The following FNDC3A variants were observed in gnomAD, a reference collection of about 807,000 sequenced individuals.
FNDC3A encodes fibronectin type-III domain-containing protein 3A.
FNDC3A carries 32 observed loss-of-function variants against 148.9 expected under a neutral mutation model. The ratio of observed to expected loss-of-function variants is 0.21; its 90% confidence interval spans 0.16 to 0.29. The LOEUF is 0.29. Ranked by LOEUF, FNDC3A falls within the 10% of genes least tolerant of loss-of-function variation. The pLI, the probability that FNDC3A is intolerant of heterozygous loss-of-function variation, is 1.00. For synonymous variants in FNDC3A, 472 were observed against 473.6 expected (o/e 1.00, Z 0.04); for missense variants, 1,191 against 1,452.8 (o/e 0.82, Z 2.93).
At chr13:49,124,766 TA>T (rs1190343835) in intron 4 of FNDC3A, among the ~76,000 whole-genome samples, 1 of 152,164 alleles carries the variant, frequency 6.6e-6, no homozygotes, top group Non-Finnish European at 1.5e-5. Context: ...AACATAGAAC[TA>T]TAAAACTTAA....
chr13:48,982,702 CTG>C, intron 1 of FNDC3A, among the ~76,000 whole-genome samples: 1 of 152,162 alleles, frequency 6.6e-6, no homozygotes, highest in East Asian at 1.9e-4. Flanking sequence ...AGTCCATACT[CTG>C]TTGATATCCT....
intron 2 of FNDC3A, among the ~76,000 whole-genome samples, chr13:49,013,388 T>C (rs1952399830): frequency 6.6e-6 from 1 of 152,122 alleles, no homozygotes; most frequent in African/African-American, 2.4e-5. Context: ...ATTAATTTTA[T>C]TATTATACTT....
chr13:49,024,548 A>ATC (rs1390325571), intron 2 of FNDC3A, among the ~76,000 whole-genome samples: 1 of 152,084 alleles, frequency 6.6e-6, no homozygotes, highest in Non-Finnish European at 1.5e-5. Flanking sequence ...AGTGAGATTT[A>ATC]TCACAGGAAT....
At chr13:49,174,393 C>T (rs1230334112) in intron 11 of FNDC3A, 42 bp from the exon 12 acceptor site, 1 of 1,516,844 alleles carries the variant, frequency 6.6e-7, no homozygotes, top group East Asian at 2.3e-5. Context: ...TATCTTTTTA[C>T]AGTAATGTAC....
chr13:49,070,839 C>T lies in FNDC3A; in HGVS notation c.100-4450C>T, dbSNP rs1355716903. On this transcript the variant is annotated intron_variant, in intron 2 of 25. Transcript: ENST00000492622. ...GCCTAGCTTATTTTACTGAACATAA[C>T]GACCTCAATTTCCATCCATTTTGCC... is the stretch of plus-strand genomic sequence containing the variant. 2.7e-5 allele frequency among the ~76,000 whole-genome samples: 4 copies of T among 150,696 alleles called. No individual in the cohort carries two copies. In the East Asian group the frequency reaches 5.8e-4, roughly 22 times the overall value.
At chr13:49,203,452 A>G (rs954378493) in intron 25 of FNDC3A, among the ~76,000 whole-genome samples, 168 bp downstream of exon 25, 2 of 152,248 alleles carry the variant, frequency 1.3e-5, no homozygotes, top group Admixed American at 6.5e-5. Context: ...AGTATGAACT[A>G]CACTTGAACA....
chr13:49,101,794 G>GTTTTTTTTTTTTTTTTTTTTTTTTTT (rs570292116), intron 3 of FNDC3A, among the ~76,000 whole-genome samples: 1 of 103,374 alleles, frequency 9.7e-6, no homozygotes, highest in African/African-American at 3.6e-5. Context: ...ACCTGCTTTA[G>GTTTTTTTTTTTTTTTTTTTTTTTTTT]TTTTTTTTTT....
At chr13:48,993,467 TAC>T (rs1420075022) in intron 1 of FNDC3A, among the ~76,000 whole-genome samples, 1 of 152,246 alleles carries the variant, frequency 6.6e-6, no homozygotes, top group East Asian at 1.9e-4. Flanking sequence ...GATTCTTAGA[TAC>T]TTATAGTAGT....
intron 3 of FNDC3A, among the ~76,000 whole-genome samples, chr13:49,104,235 G>T (rs1880023777): frequency 6.6e-6 from 1 of 152,124 alleles, no homozygotes. Context: ...GGGTTGCAAT[G>T]TGATTTTGGG....
intron 23 of FNDC3A, among the ~76,000 whole-genome samples, chr13:49,200,621 A>C (rs998252247): frequency 6.6e-6 from 1 of 152,102 alleles, no homozygotes; most frequent in Non-Finnish European, 1.5e-5. Flanking sequence ...TAATAGAATA[A>C]AGATTCTATT....
chr13:49,000,213 G>T (rs1490895561), intron 1 of FNDC3A, among the ~76,000 whole-genome samples: 1 of 152,054 alleles, frequency 6.6e-6, no homozygotes, highest in East Asian at 1.9e-4. Flanking sequence ...TCTACAGTTT[G>T]GTTCTTACAT....
At chr13:49,078,354 A>G (rs1216783339) in intron 3 of FNDC3A, among the ~76,000 whole-genome samples, 2 of 152,248 alleles carry the variant, frequency 1.3e-5, no homozygotes, top group Non-Finnish European at 2.9e-5. Flanking sequence ...TACTAACAGT[A>G]TCTTAGTGAT....
chr13:49,035,219 T>C (rs1244273676), intron 2 of FNDC3A, among the ~76,000 whole-genome samples: 1 of 152,102 alleles, frequency 6.6e-6, no homozygotes, highest in Non-Finnish European at 1.5e-5. Flanking sequence ...CATGTGCAGG[T>C]AATGACACTT....
chr13:49,033,240 T>TA (rs1325450168), intron 2 of FNDC3A, among the ~76,000 whole-genome samples: 38 of 152,330 alleles, frequency 2.5e-4, no homozygotes, highest in Middle Eastern at 3.4e-3. Flanking sequence ...TGTTAACTGA[T>TA]ACTGGATTAT....
At position 49,006,248 on chromosome 13, in the gene FNDC3A, C is replaced by G. The variant is rs372893646; in HGVS notation, c.58C>G (p.Leu20Val). The G allele has an allele frequency of 8.7e-6, 14 of 1,609,720 alleles. No homozygotes were observed. Residue 20 changes from leucine to valine, a missense_variant, in exon 2 of 26, where the codon CTT becomes GTT. Leu to Val is a conservative substitution (Grantham distance 32). Transcript: ENST00000492622. ...TCAGATCTTAAGTAGTGATATTTCT[C>G]TTTTGTCTGCCCCTATTGTAAGTGC... is the stretch of plus-strand genomic sequence containing the variant. ...TTQILSSDISLLSAPIVSADG... is the reference protein window; with the variant it reads ...TTQILSSDISVLSAPIVSADG...
chr13:49,007,250 A>G (rs1593461781), intron 2 of FNDC3A, among the ~76,000 whole-genome samples: 1 of 152,254 alleles, frequency 6.6e-6, no homozygotes, highest in East Asian at 1.9e-4. Context: ...GCTACTATTG[A>G]AAAATTAGTA....
At chr13:49,194,450 G>C (rs144481123) in intron 19 of FNDC3A, among the ~76,000 whole-genome samples, 1,524 of 152,228 alleles carry the variant, frequency 0.01, 32 homozygotes, top group African/African-American at 0.034. Context: ...ATTTTGCTCT[G>C]CCTTGTAAAC....
intron 2 of FNDC3A, among the ~76,000 whole-genome samples, chr13:49,015,182 C>T (rs1275226338): frequency 6.6e-6 from 1 of 152,106 alleles, no homozygotes; most frequent in Non-Finnish European, 1.5e-5. Flanking sequence ...CTGTAAATTA[C>T]CTTGGGCAGT....
Position 49,021,343 on chromosome 13 carries a change from T to A in FNDC3A, c.99+15054T>A, listed in dbSNP as rs539279055. ...CAACTGCCACTGATTGTTTTACACATGCTCCCCAGGGGGAAAGCTATTTGC... is the reference window on the plus strand; with the variant it reads ...CAACTGCCACTGATTGTTTTACACAAGCTCCCCAGGGGGAAAGCTATTTGC... On this transcript the variant is annotated intron_variant, in intron 2 of 25. Coordinates refer to ENST00000492622, the MANE Select transcript of FNDC3A (RefSeq NM_001079673.2). Among the ~76,000 whole-genome samples the A allele has an allele frequency of 4.6e-5, 7 of 152,322 alleles. No individual in the cohort carries two copies. The South Asian group carries it at 1.5e-3, about 32-fold the overall frequency.
Sources: allele counts gnomAD v4.1 joint callset (sites outside exome capture counted in the v4.1 genomes callset), GRCh38; gene constraint gnomAD v4.1.1; transcripts MANE v1.5; gene names NCBI Gene and HGNC (gene_info 2026-07-23, HGNC 2026-07-21).